KAZN: variants seen among roughly 807,000 people sequenced by gnomAD.
KAZN encodes kazrin.
KAZN carries 40 observed loss-of-function variants against 87.4 expected under a neutral mutation model. The observed-to-expected ratio is 0.46, with a 90% confidence interval of 0.36 to 0.60. The LOEUF is 0.60. KAZN is among the 20% of genes least tolerant of loss of function. The pLI is 0.00. For synonymous variants in KAZN, 466 were observed against 458.3 expected, an observed-to-expected ratio of 1.02 and a Z score of -0.22; for missense variants, 898 against 1,073.9, an observed-to-expected ratio of 0.84 and a Z score of 2.29.
At chr1:14,890,552 G>C (rs541755474) in intron 1 of KAZN, among the ~76,000 whole-genome samples, 9 of 152,042 alleles carry the variant, frequency 5.9e-5, no homozygotes, top group African/African-American at 2.2e-4. Flanking sequence ...AGATAGAGAA[G>C]GTTATTTTTA....
chr1:14,749,004 A>G (rs1016484375), intron 1 of KAZN, among the ~76,000 whole-genome samples: 1 of 152,252 alleles, frequency 6.6e-6, no homozygotes, highest in African/African-American at 2.4e-5. Context: ...CAAAAGGTAC[A>G]TGTTCTAGTC....
intron 2 of KAZN, among the ~76,000 whole-genome samples, chr1:14,480,227 G>A (rs960646108): frequency 6.6e-6 from 1 of 152,264 alleles, no homozygotes; most frequent in African/African-American, 2.4e-5. Context: ...ACGTTCACCT[G>A]TACTCTTGTA....
chr1:14,695,656 C>T (rs1641562226), intron 1 of KAZN, among the ~76,000 whole-genome samples: 1 of 151,788 alleles, frequency 6.6e-6, no homozygotes. Context: ...CAGGTGTGCA[C>T]CACCATGCCT....
At chr1:14,817,427 C>T (rs1399779866) in intron 1 of KAZN, among the ~76,000 whole-genome samples, 4 of 152,136 alleles carry the variant, frequency 2.6e-5, no homozygotes, top group Admixed American at 1.3e-4. Context: ...TCTGTCTTCC[C>T]GCTCCCCTCC....
At chr1:13,969,728 G>A (rs1194428184) in intron 1 of KAZN, among the ~76,000 whole-genome samples, 1 of 152,092 alleles carries the variant, frequency 6.6e-6, no homozygotes, top group Non-Finnish European at 1.5e-5. Flanking sequence ...CCTGGCTGAG[G>A]TTCCATGTGA....
At chr1:14,881,692 T>C (rs886396590) in intron 1 of KAZN, among the ~76,000 whole-genome samples, 4 of 152,152 alleles carry the variant, frequency 2.6e-5, no homozygotes, top group Non-Finnish European at 5.9e-5. Context: ...TGGTGTCAAA[T>C]CACCTGGAAT....
At chr1:14,341,715 C>T (rs926250965) in intron 2 of KAZN, among the ~76,000 whole-genome samples, 2 of 152,160 alleles carry the variant, frequency 1.3e-5, no homozygotes, top group Non-Finnish European at 2.9e-5. Flanking sequence ...CCAATCTGCC[C>T]ACTTCCCAAC....
intron 1 of KAZN, among the ~76,000 whole-genome samples, chr1:14,740,304 G>A (rs944922506): frequency 5.9e-5 from 9 of 152,198 alleles, no homozygotes; most frequent in African/African-American, 1.7e-4. Context: ...TGGGCAGGAC[G>A]CCTCTAAACC....
chr1:14,408,531 G>A (rs573440156), intron 2 of KAZN, among the ~76,000 whole-genome samples: 39 of 10,494 alleles, frequency 3.7e-3, no homozygotes, highest in Admixed American at 0.034. Flanking sequence ...TCAGGGAGCC[G>A]GCCTGGTCAG....
At chr1:14,412,150 G>C (rs931917643) in intron 2 of KAZN, among the ~76,000 whole-genome samples, 4 of 152,190 alleles carry the variant, frequency 2.6e-5, no homozygotes, top group Non-Finnish European at 4.4e-5. Context: ...GTGACAAACA[G>C]CAAGTGCAAA....
intron 1 of KAZN, among the ~76,000 whole-genome samples, chr1:13,932,008 A>ATTTTTTTTTTTTTTTTTTTTTTTTT (rs35231877): frequency 8.1e-6 from 1 of 122,918 alleles, no homozygotes; most frequent in Non-Finnish European, 1.7e-5. Context: ...GGCTTGGCTA[A>ATTTTTTTTTTTTTTTTTTTTTTTTT]TTTTTTTTTT....
intron 2 of KAZN, chr1:14,348,854 A>G (rs1395511267): frequency 6.6e-6 from 1 of 152,238 alleles, no homozygotes; most frequent in Non-Finnish European, 1.5e-5. Context: ...TAAGTTTATC[A>G]AAGGTTCTAC....
intron 2 of KAZN, among the ~76,000 whole-genome samples, chr1:14,440,765 C>T (rs1030949511): frequency 6.6e-6 from 1 of 152,188 alleles, no homozygotes; most frequent in Non-Finnish European, 1.5e-5. Flanking sequence ...ATAGGTCACT[C>T]ATCCATGAAG....
chr1:14,970,543 C>T (rs1430286395), intron 2 of KAZN, among the ~76,000 whole-genome samples: 1 of 152,194 alleles, frequency 6.6e-6, no homozygotes, highest in Non-Finnish European at 1.5e-5. Context: ...CTGATGTTCT[C>T]GTCCTCATCT....
chr1:14,886,574 C>A (rs1399095749), intron 1 of KAZN, among the ~76,000 whole-genome samples: 1 of 152,104 alleles, frequency 6.6e-6, no homozygotes, highest in African/African-American at 2.4e-5. Context: ...GGCGGATCAC[C>A]TGAGGTCAGG....
At chr1:14,995,100 C>T (rs946163256) in intron 2 of KAZN, among the ~76,000 whole-genome samples, 1 of 152,202 alleles carries the variant, frequency 6.6e-6, no homozygotes, top group Non-Finnish European at 1.5e-5. Flanking sequence ...GGGCAGCTGC[C>T]CTGGAGGAAG....
intron 1 of KAZN, among the ~76,000 whole-genome samples, chr1:14,926,227 A>C (rs552928054): frequency 6.6e-6 from 1 of 152,236 alleles, no homozygotes; most frequent in African/African-American, 2.4e-5. Flanking sequence ...TAAAATACTA[A>C]AGTGATCTGA....
chr1:14,960,598 C>T, intron 1 of KAZN, 86 bp from the exon 2 acceptor site: 1 of 1,434,544 alleles, frequency 7.0e-7, no homozygotes, highest in South Asian at 1.3e-5. Flanking sequence ...AACAAAAAAG[C>T]CAAAGCCACC....
At chr1:15,003,123 A>C (rs1476528946) in intron 2 of KAZN, among the ~76,000 whole-genome samples, 1 of 152,154 alleles carries the variant, frequency 6.6e-6, no homozygotes, top group African/African-American at 2.4e-5. Flanking sequence ...GGGACGGGGC[A>C]GAGCTGGGAT....
Sources: gnomAD v4.1 joint callset for allele counts (sites outside exome capture counted in the v4.1 genomes callset) on GRCh38, gnomAD v4.1.1 for gene constraint, MANE v1.5 for transcripts, NCBI Gene and HGNC (gene_info 2026-07-23, HGNC 2026-07-21) for gene names.